CLUAP1: variants seen among roughly 807,000 people sequenced by gnomAD.
CLUAP1 encodes the protein intraflagellar transport 38, also known as clusterin-associated protein 1.
In CLUAP1, 50 loss-of-function variants were observed where a neutral mutation model predicts 55.0. The ratio of observed to expected loss-of-function variants is 0.91; its 90% CI spans 0.72 to 1.15. CLUAP1 has a LOEUF of 1.15. Ranked by LOEUF, CLUAP1 falls within the 50% of genes most tolerant of loss-of-function variation. The pLI is 0.00. For missense variants in CLUAP1, 530 were observed against 507.6 expected, an observed-to-expected ratio of 1.04 and a Z score of -0.42; for synonymous variants, 195 against 175.4, an observed-to-expected ratio of 1.11 and a Z score of -0.88.
chr16:3,498,070 G>C (rs1021359637), upstream of CLUAP1, among the ~76,000 whole-genome samples: 2 of 152,046 alleles, frequency 1.3e-5, no homozygotes, highest in Non-Finnish European at 1.5e-5. Flanking sequence ...ATTAAGTCTG[G>C]GTTCAAAAGC....
At chr16:3,533,150 A>C (rs2038162670) in intron 11 of CLUAP1, 2 of 1,535,912 alleles carry the variant, frequency 1.3e-6, no homozygotes, top group Non-Finnish European at 1.7e-6. Flanking sequence ...CAGCTCCAAG[A>C]AGCAGGTTGG....
At chr16:3,529,571 T>TATA (rs1180185259) in intron 9 of CLUAP1, among the ~76,000 whole-genome samples, 2 of 49,288 alleles carry the variant, frequency 4.1e-5, no homozygotes, top group South Asian at 6.0e-4. Flanking sequence ...TTATATATTA[T>TATA]ATATTATATA....
Position 3,526,359 on chromosome 16 carries a change from G to C in CLUAP1, c.856-53G>C, listed in dbSNP as rs371548466. 3 of 1,272,012 alleles carry C rather than the reference G, an allele frequency of 2.4e-6. No homozygotes were observed. In the African/African-American group the frequency reaches 4.6e-5, roughly 20 times the overall value. The allele number at this position is 1,272,012 out of a possible 1,614,324, so 78.8% of individuals were successfully genotyped here. On this transcript the variant is annotated intron_variant, in intron 8 of 11. Transcript: ENST00000576634. Reference sequence around the variant, plus strand: ...CCTTACACAGTGGTGAAGAAGAATAGAACAGTCCAGAAAAGGGCCATCTCT... The same window carrying C: ...CCTTACACAGTGGTGAAGAAGAATACAACAGTCCAGAAAAGGGCCATCTCT...
At chr16:3,519,706 C>G (rs756800226) in intron 6 of CLUAP1, among the ~76,000 whole-genome samples, 197 bp from the exon 7 acceptor site, 1 of 152,172 alleles carries the variant, frequency 6.6e-6, no homozygotes, top group Admixed American at 6.5e-5. Context: ...AAAAGAGATA[C>G]CTTTTTCTGG....
chr16:3,515,012 A>G (rs1182239371), intron 5 of CLUAP1, among the ~76,000 whole-genome samples: 2 of 152,146 alleles, frequency 1.3e-5, no homozygotes, highest in Admixed American at 6.6e-5. Flanking sequence ...GGCAACTGAG[A>G]GGGACTTCAT....
intron 5 of CLUAP1, among the ~76,000 whole-genome samples, chr16:3,513,345 T>G (rs1489601428): frequency 1.3e-5 from 2 of 152,230 alleles, no homozygotes; most frequent in Non-Finnish European, 2.9e-5. Context: ...GGAGACTGAT[T>G]TGATTTGCAA....
chr16:3,529,598 T>TATA (rs2038037873), intron 9 of CLUAP1, among the ~76,000 whole-genome samples: 1 of 39,908 alleles, frequency 2.5e-5, no homozygotes, highest in African/African-American at 1.4e-4. Flanking sequence ...TATATTATTA[T>TATA]ATATTATATA....
At position 3,506,366 on chromosome 16, in the gene CLUAP1, A is replaced by T. The variant is rs2037506518; in HGVS notation, c.170A>T (p.Asp57Val). The change falls in exon 3 of 12, where the codon GAT becomes GTT. Residue 57 changes from aspartate to valine, a missense_variant. Asp to Val is a radical substitution (Grantham distance 152). Coordinates refer to ENST00000576634, the MANE Select transcript of CLUAP1 (RefSeq NM_015041.3). ...EPQTDIPPDV[D>V]TEQDRVFFIK... ...CAGACTGACATCCCGCCTGACGTGG[A>T]TACTGAACAGGACCGAGTTTTCTTC... is the stretch of plus-strand genomic sequence containing the variant. The T allele has an allele frequency of 6.2e-7, 1 of 1,614,004 alleles. No homozygotes were observed. The highest frequency in any genetic ancestry group is 1.3e-5 in the African/African-American group (1 of 74,910).
upstream of CLUAP1, among the ~76,000 whole-genome samples, chr16:3,500,075 T>A (rs2037357536): frequency 6.6e-6 from 1 of 152,252 alleles, no homozygotes; most frequent in Non-Finnish European, 1.5e-5. Context: ...CCGGCTGCTG[T>A]GCCACGCCTG....
chr16:3,530,535 C>G (rs760328968), intron 9 of CLUAP1, 33 bp from the exon 10 acceptor site: 2 of 1,527,822 alleles, frequency 1.3e-6, no homozygotes, highest in African/African-American at 2.7e-5. Context: ...CATGAAGCCA[C>G]TCCTTTGTTT....
intron 4 of CLUAP1, among the ~76,000 whole-genome samples, chr16:3,509,657 G>A (rs1313311166): frequency 6.6e-6 from 1 of 152,212 alleles, no homozygotes; most frequent in Non-Finnish European, 1.5e-5. Flanking sequence ...GAAGGCCCCG[G>A]GGCTGGGAGT....
chr16:3,519,615 T>C (rs576139861), intron 6 of CLUAP1, among the ~76,000 whole-genome samples: 7 of 152,288 alleles, frequency 4.6e-5, no homozygotes, highest in African/African-American at 1.7e-4. Context: ...ACTGCAGGCC[T>C]CTCCACCTTG....
At position 3,501,085 on chromosome 16, in the gene CLUAP1, C is replaced by T. The variant is rs2037387397; in HGVS notation, c.18C>T (p.Leu6=). 3.8e-6 allele frequency: 6 copies of T among 1,597,044 alleles called. No homozygotes were observed. Among genetic ancestry groups the T allele is most frequent in the African/African-American group, 1.3e-5 (1 of 74,690 alleles). The change falls in exon 1 of 12, where the codon CTC becomes CTT. Residue 6 remains leucine (L), a synonymous_variant. Transcript: ENST00000576634. MSFRD[L]RNFTEMMRAL... is the part of the protein sequence containing the mutation. ...TGAGCGTTATGTCTTTCCGCGACCT[C>T]CGCAGTAAGGCAGCCCCGCGCCCCT...
At chr16:3,500,891 G>A (rs564337522), upstream of CLUAP1, 5 of 668,756 alleles carry the variant, frequency 7.5e-6, no homozygotes, top group South Asian at 1.9e-5. Context: ...GCTCTCTGCC[G>A]GCCCGCTCTC....
chr16:3,496,295 C>A, upstream of CLUAP1: 1 of 878,632 alleles, frequency 1.1e-6, no homozygotes, highest in East Asian at 3.3e-5. Flanking sequence ...GTTGGTCAAG[C>A]TGTACAGGTT....
chr16:3,528,233 T>C lies in CLUAP1; in HGVS notation c.928+1749T>C, dbSNP rs2037985159. On this transcript the variant is annotated intron_variant, in intron 9 of 11. Coordinates refer to ENST00000576634, the MANE Select transcript of CLUAP1 (RefSeq NM_015041.3). ...TCTTGCTGGTTGCCCTTTCTTTTCTTCAGGGTGAAATATTCTATTCACTCT... is the reference window on the plus strand; with the variant it reads ...TCTTGCTGGTTGCCCTTTCTTTTCTCCAGGGTGAAATATTCTATTCACTCT... Among the ~76,000 whole-genome samples, 4 of 152,182 alleles carry C rather than the reference T, an allele frequency of 2.6e-5. No homozygotes were observed. The South Asian group carries it at 8.3e-4, about 32-fold the overall frequency.
At chr16:3,504,500 A>G (rs1427420105) in intron 1 of CLUAP1, among the ~76,000 whole-genome samples, 5 of 152,248 alleles carry the variant, frequency 3.3e-5, no homozygotes, top group African/African-American at 9.6e-5. Context: ...ATGTATAGCC[A>G]TCTACTTCTC....
At chr16:3,521,169 GAA>G (rs570251084) in intron 7 of CLUAP1, among the ~76,000 whole-genome samples, 1 of 134,206 alleles carries the variant, frequency 7.5e-6, no homozygotes, top group Admixed American at 7.5e-5. Flanking sequence ...CTCAGAGAGG[GAA>G]AAAAAAAAAA....
chr16:3,502,442 T>TA (rs74268721), intron 1 of CLUAP1, among the ~76,000 whole-genome samples: 2,514 of 129,946 alleles, frequency 0.019, 16 homozygotes, highest in East Asian at 0.033. Flanking sequence ...AGACTGTCTT[T>TA]AAAAAAAAAA....
Sources: allele counts gnomAD v4.1 joint callset (sites outside exome capture counted in the v4.1 genomes callset), GRCh38; gene constraint gnomAD v4.1.1; transcripts MANE v1.5; gene names NCBI Gene and HGNC (gene_info 2026-07-23, HGNC 2026-07-21).